The following SLC1A6 variants were observed in gnomAD, a reference collection of about 807,000 sequenced individuals.
SLC1A6 encodes excitatory amino acid transporter 4.
SLC1A6 carries 15 observed loss-of-function variants against 42.1 expected under a neutral mutation model. The ratio of observed to expected loss-of-function variants is 0.36; its 90% CI spans 0.24 to 0.55. SLC1A6 has a LOEUF of 0.55. Among genes scored for constraint, SLC1A6 ranks in the 20% least tolerant of loss-of-function variants. SLC1A6 has a pLI of 0.88. For missense variants in SLC1A6, 542 were observed against 772.5 expected, an observed-to-expected ratio of 0.70 and a Z score of 3.54; for synonymous variants, 317 against 319.7, an observed-to-expected ratio of 0.99 and a Z score of 0.09.
At chr19:14,985,970 AAAC>A (rs1456192447) in intron 1 of SLC1A6, among the ~76,000 whole-genome samples, 6 of 152,150 alleles carry the variant, frequency 3.9e-5, no homozygotes, top group Non-Finnish European at 8.8e-5. Flanking sequence ...AAAAGAAAAA[AAAC>A]AACAACAGAC....
chr19:14,957,956 A>G (rs2045476898), intron 6 of SLC1A6, among the ~76,000 whole-genome samples: 1 of 152,208 alleles, frequency 6.6e-6, no homozygotes, highest in Non-Finnish European at 1.5e-5. Context: ...TGGCTGGAGT[A>G]TTGAGTAAAA....
At chr19:14,975,481 G>T (rs898906398) in intron 1 of SLC1A6, among the ~76,000 whole-genome samples, 1 of 152,060 alleles carries the variant, frequency 6.6e-6, no homozygotes, top group Non-Finnish European at 1.5e-5. Flanking sequence ...CGGCCAGGGC[G>T]CAGTGGCTCA....
At chr19:15,001,184 A>C (rs201017428) in intron 1 of SLC1A6, among the ~76,000 whole-genome samples, 9 of 27,046 alleles carry the variant, frequency 3.3e-4, no homozygotes, top group Non-Finnish European at 6.5e-4. Context: ...CTGGGAACTT[A>C]GTTATTCAGT....
chr19:14,993,305 G>A (rs963223494), intron 1 of SLC1A6, among the ~76,000 whole-genome samples: 2 of 152,022 alleles, frequency 1.3e-5, no homozygotes, highest in African/African-American at 4.8e-5. Context: ...GTGAGTGACT[G>A]CTGATGATGG....
intron 1 of SLC1A6, among the ~76,000 whole-genome samples, chr19:15,010,176 ACTCTAT>A (rs748873118): frequency 0.035 from 2,741 of 78,936 alleles, 31 homozygotes; most frequent in East Asian, 0.18. Context: ...ACAGTGCAAG[ACTCTAT>A]GAAAAAAAAA....
chr19:15,002,910 G>C lies in SLC1A6; in HGVS notation c.6+7575C>G, dbSNP rs532136025. 4.1e-4 allele frequency among the ~76,000 whole-genome samples: 63 copies of C among 151,846 alleles called. 1 individual carries two copies. Among genetic ancestry groups the C allele is most frequent in the Admixed American group, 1.5e-3 (23 of 15,228 alleles). ...ATTATTTTTGTTTGTTTGTTTGTTT[G>C]TTTGTTTGTTTTCGGTTTGTGTTTT... On this transcript the variant is annotated intron_variant, in intron 1 of 8. Transcript: ENST00000430939.
intron 7 of SLC1A6, 128 bp downstream of exon 7, chr19:14,956,348 G>T: frequency 1.6e-6 from 1 of 606,194 alleles, no homozygotes. Flanking sequence ...GACATTATGA[G>T]CCCTGGACAT....
At chr19:14,966,301 G>A (rs1397230828) in intron 4 of SLC1A6, among the ~76,000 whole-genome samples, 2 of 152,138 alleles carry the variant, frequency 1.3e-5, no homozygotes, top group Non-Finnish European at 2.9e-5. Flanking sequence ...AGACCAGCCT[G>A]GCCAACACGG....
chr19:14,981,547 TAG>T (rs2045767902), upstream of SLC1A6, among the ~76,000 whole-genome samples: 1 of 152,196 alleles, frequency 6.6e-6, no homozygotes, highest in Admixed American at 6.6e-5. Flanking sequence ...TTCTTGAACC[TAG>T]AGCTGCCCCT....
intron 1 of SLC1A6, among the ~76,000 whole-genome samples, chr19:15,004,510 C>G (rs2045886866): frequency 7.4e-6 from 1 of 135,390 alleles, no homozygotes; most frequent in South Asian, 2.3e-4. Context: ...AAGACCCAGA[C>G]TGGGCAACAT....
intron 1 of SLC1A6, among the ~76,000 whole-genome samples, chr19:15,010,006 C>T (rs146527392): frequency 0.033 from 3,592 of 109,112 alleles, 52 homozygotes; most frequent in African/African-American, 0.049. Context: ...GGCGAAACCC[C>T]GTCTCTACTA....
At chr19:14,956,773 G>T in intron 6 of SLC1A6, 64 bp from the exon 7 acceptor site, 3 of 1,150,850 alleles carry the variant, frequency 2.6e-6, no homozygotes, top group Non-Finnish European at 3.8e-6. Flanking sequence ...GTCTGAAGGT[G>T]GCATCCCCAA....
At position 14,954,157 on chromosome 19, in the gene SLC1A6, G is replaced by A. The variant is rs2045439098; in HGVS notation, c.1342C>T (p.Leu448=). 3 of 1,609,722 alleles carry A rather than the reference G, an allele frequency of 1.9e-6. No individual in the cohort carries two copies. The highest frequency in any genetic ancestry group is 2.5e-6 in the Non-Finnish European group (3 of 1,177,638). Residue 448 remains leucine, a synonymous_variant, in exon 8 of 10, where the codon CTG becomes TTG. Transcript: ENST00000594383. The part of the protein sequence containing the change: ...IAQVNNYELN[L]GQITTISITA... ...CACCTGATGGTTGTGATCTGACCCA[G>A]GTTGAGCTCGTAGTTGTTAACTTGA...
At chr19:14,990,631 T>G (rs576966857) in intron 1 of SLC1A6, among the ~76,000 whole-genome samples, 2 of 151,646 alleles carry the variant, frequency 1.3e-5, no homozygotes, top group South Asian at 4.2e-4. Context: ...TAGCCAGGAG[T>G]GGTGGCGCAC....
At chr19:15,009,770 T>G (rs1318632770) in intron 1 of SLC1A6, among the ~76,000 whole-genome samples, 4 of 152,172 alleles carry the variant, frequency 2.6e-5, no homozygotes, top group Non-Finnish European at 5.9e-5. Flanking sequence ...TAAATTTTTT[T>G]TAAAGGCTCT....
At chr19:14,997,300 C>T (rs937329942) in intron 1 of SLC1A6, among the ~76,000 whole-genome samples, 2 of 152,140 alleles carry the variant, frequency 1.3e-5, no homozygotes, top group East Asian at 1.9e-4. Context: ...AACCAATGTA[C>T]TTCTTACAGA....
At chr19:14,979,995 CG>C (rs1430008464), upstream of SLC1A6, 1 of 152,304 alleles carries the variant, frequency 6.6e-6, no homozygotes, top group East Asian at 1.9e-4. The surrounding 1 kb of genome is among the most constrained non-coding windows in gnomAD (Gnocchi z 4.2). Context: ...TGGCGGAGCG[CG>C]GGGAACAGGC....
chr19:14,971,993 AGT>A (rs1309761152), intron 2 of SLC1A6, 119 bp from the exon 3 acceptor site: 2 of 919,780 alleles, frequency 2.2e-6, no homozygotes, highest in African/African-American at 3.3e-5. Flanking sequence ...ATATCCTATG[AGT>A]GTGTGTATTT....
At chr19:14,954,568 G>A (rs2045444340) in intron 7 of SLC1A6, among the ~76,000 whole-genome samples, 1 of 151,826 alleles carries the variant, frequency 6.6e-6, no homozygotes, top group Non-Finnish European at 1.5e-5. Flanking sequence ...GGCCAGGTGA[G>A]GAAGAGCTGA....
Sources: gnomAD v4.1 joint callset for allele counts (sites outside exome capture counted in the v4.1 genomes callset) on GRCh38, gnomAD v4.1.1 for gene constraint, Gnocchi (gnomAD v3.1) non-coding constraint, MANE v1.5 for transcripts, NCBI Gene and HGNC (gene_info 2026-07-23, HGNC 2026-07-21) for gene names.